The following RXFP1 variants were observed in gnomAD, a reference collection of about 807,000 sequenced individuals.
RXFP1 encodes relaxin family peptide receptor 1.
In RXFP1, 73 loss-of-function variants were observed where a neutral mutation model predicts 89.8. The observed-to-expected ratio is 0.81, with a 90% CI of 0.67 to 0.99. RXFP1 has a LOEUF of 0.99. RXFP1 is among the 50% of genes least tolerant of loss of function. RXFP1 has a pLI of 0.00. For missense variants in RXFP1, 793 were observed against 895.5 expected (o/e 0.89, Z 1.46); for synonymous variants, 277 against 305.5 (o/e 0.91, Z 0.97).
intron 9 of RXFP1, among the ~76,000 whole-genome samples, chr4:158,620,172 A>G (rs1262664896): frequency 1.3e-5 from 2 of 152,214 alleles, no homozygotes; most frequent in African/African-American, 4.8e-5. Context: ...AAGAGAAACA[A>G]AAAATTATTT....
At chr4:158,615,835 C>G (rs1764455446) in intron 8 of RXFP1, among the ~76,000 whole-genome samples, 1 of 152,002 alleles carries the variant, frequency 6.6e-6, no homozygotes, top group South Asian at 2.1e-4. Context: ...GCCTGTAGTC[C>G]CAGCTACTCA....
At chr4:158,628,863 G>A (rs1407919833) in intron 11 of RXFP1, among the ~76,000 whole-genome samples, 154 bp downstream of exon 11, 1 of 151,582 alleles carries the variant, frequency 6.6e-6, no homozygotes, top group African/African-American at 2.4e-5. Flanking sequence ...AAGGAATTCA[G>A]ATGGCATACA....
chr4:158,548,388 T>G (rs1307493364), intron 1 of RXFP1, among the ~76,000 whole-genome samples: 4 of 152,214 alleles, frequency 2.6e-5, no homozygotes, highest in Admixed American at 1.3e-4. Flanking sequence ...CACTGATGGG[T>G]CTGGACTCTT....
intron 4 of RXFP1, among the ~76,000 whole-genome samples, chr4:158,604,744 A>G (rs941177027): frequency 7.9e-5 from 12 of 152,182 alleles, no homozygotes; most frequent in African/African-American, 2.9e-4. Flanking sequence ...GTCACTTAGA[A>G]ACTGAGATGC....
intron 10 of RXFP1, among the ~76,000 whole-genome samples, chr4:158,627,434 C>G (rs556619513): frequency 1.3e-5 from 2 of 150,946 alleles, no homozygotes; most frequent in Non-Finnish European, 2.9e-5. Context: ...TTAAGGGAAA[C>G]AGAATTTAAT....
intron 1 of RXFP1, among the ~76,000 whole-genome samples, chr4:158,562,550 AAT>A (rs1752709456): frequency 5.4e-5 from 8 of 148,348 alleles, no homozygotes; most frequent in African/African-American, 1.7e-4. Flanking sequence ...AAAAAAAAAA[AAT>A]ACACATATTT....
At chr4:158,645,984 T>A (rs567242859) in intron 15 of RXFP1, among the ~76,000 whole-genome samples, 1 of 152,216 alleles carries the variant, frequency 6.6e-6, no homozygotes, top group African/African-American at 2.4e-5. Context: ...GACTGTAACT[T>A]CAGAGTTAAA....
intron 1 of RXFP1, among the ~76,000 whole-genome samples, chr4:158,572,062 G>A (rs1755184445): frequency 6.6e-6 from 1 of 152,088 alleles, no homozygotes; most frequent in Non-Finnish European, 1.5e-5. Flanking sequence ...CAATCCCCTG[G>A]GCTCTATGTA....
chr4:158,530,270 A>T, intron 1 of RXFP1, among the ~76,000 whole-genome samples: 1 of 152,238 alleles, frequency 6.6e-6, no homozygotes, highest in East Asian at 1.9e-4. Flanking sequence ...ATCCAGGCAC[A>T]TATTGCAAGT....
At position 158,646,750 on chromosome 4, in the gene RXFP1, C is replaced by T. The variant is rs747719610; in HGVS notation, c.1346-41C>T. 2.7e-6 allele frequency: 4 copies of T among 1,502,098 alleles called. No individual in the cohort carries two copies. The East Asian group carries it at 6.9e-5, about 26-fold the overall frequency. The allele number at this position is 1,502,098 out of a possible 1,614,324, so 93.0% of individuals were successfully genotyped here. On this transcript the variant is annotated intron_variant, in intron 15 of 17. Coordinates refer to ENST00000307765, the MANE Select transcript of RXFP1 (RefSeq NM_021634.4). Reference sequence around the variant, plus strand: ...TTGCTTATTGATGATTTTATGATACCTATTTATTTCTCTAAATTTGTGAAA... The same window carrying T: ...TTGCTTATTGATGATTTTATGATACTTATTTATTTCTCTAAATTTGTGAAA...
chr4:158,597,860 TAAAG>T (rs1760936873), intron 3 of RXFP1, among the ~76,000 whole-genome samples: 1 of 152,208 alleles, frequency 6.6e-6, no homozygotes. Context: ...GATTGTAACT[TAAAG>T]AGACAGCATC....
intron 1 of RXFP1, among the ~76,000 whole-genome samples, chr4:158,548,835 A>G (rs989547398): frequency 7.9e-5 from 12 of 152,132 alleles, no homozygotes; most frequent in African/African-American, 2.4e-4. Flanking sequence ...TAGTCTCATG[A>G]GCTTCCCTTT....
rs1399601062 is a variant in RXFP1, at chr4:158,653,190, A to AT, written c.*1141dup. 3 of 152,312 alleles carry AT rather than the reference A, an allele frequency of 2.0e-5. No homozygotes were observed. The East Asian group carries it at 5.8e-4, about 29-fold the overall frequency. 9.4% of individuals were successfully genotyped at this position (152,312 alleles called of 1,614,324 possible). On this transcript the variant is annotated 3_prime_UTR_variant, in exon 18 of 18. Coordinates refer to ENST00000307765, the MANE Select transcript of RXFP1 (RefSeq NM_021634.4). ...CTTCTCTAGTCTCTACGTTATTAGAATTTTTTGCTTTCATAATGTGAAACC... is the reference window on the plus strand; with the variant it reads ...CTTCTCTAGTCTCTACGTTATTAGAATTTTTTTGCTTTCATAATGTGAAACC...
intron 9 of RXFP1, among the ~76,000 whole-genome samples, chr4:158,617,503 C>A (rs567046913): frequency 2.6e-5 from 4 of 151,708 alleles, no homozygotes; most frequent in East Asian, 1.9e-4. Context: ...TGTAACATCT[C>A]CCCCTTTCCC....
intron 1 of RXFP1, among the ~76,000 whole-genome samples, chr4:158,563,038 G>A (rs1469920809): frequency 6.6e-6 from 1 of 152,154 alleles, no homozygotes; most frequent in East Asian, 1.9e-4. Context: ...TTGTGATGAT[G>A]TTTCTTTATG....
chr4:158,624,309 T>G (rs997767313), intron 9 of RXFP1, among the ~76,000 whole-genome samples: 4 of 152,116 alleles, frequency 2.6e-5, no homozygotes, highest in Non-Finnish European at 4.4e-5. Flanking sequence ...TCACCTCAGT[T>G]TTCTCTGTGA....
intron 1 of RXFP1, among the ~76,000 whole-genome samples, chr4:158,556,224 CA>C (rs11337872): frequency 0.91 from 121,222 of 132,544 alleles, 55,492 homozygotes; most frequent in South Asian, 0.98. Context: ...AACTTAACAG[CA>C]AAAAAAAAAA....
chr4:158,614,094 T>C (rs886790711), intron 8 of RXFP1, among the ~76,000 whole-genome samples: 1 of 151,986 alleles, frequency 6.6e-6, no homozygotes, highest in African/African-American at 2.4e-5. Flanking sequence ...GTCCCAAGAG[T>C]GGGCTTAAAA....
At chr4:158,610,526 T>C (rs1763378855) in intron 6 of RXFP1, 4 of 429,500 alleles carry the variant, frequency 9.3e-6, no homozygotes, top group East Asian at 7.1e-5. Context: ...AATGCCAACA[T>C]ATATAAAACA....
Sources: allele counts gnomAD v4.1 joint callset (sites outside exome capture counted in the v4.1 genomes callset), GRCh38; gene constraint gnomAD v4.1.1; transcripts MANE v1.5; gene names NCBI Gene and HGNC (gene_info 2026-07-23, HGNC 2026-07-21).